PTK2: variants seen among roughly 807,000 people sequenced by gnomAD.
PTK2 encodes the protein protein tyrosine kinase 2, also known as focal adhesion kinase 1.
PTK2 carries 45 observed loss-of-function variants against 150.1 expected under a neutral mutation model. The ratio of observed to expected loss-of-function variants is 0.30; its 90% confidence interval spans 0.24 to 0.38. The LOEUF is 0.38. Ranked by LOEUF, PTK2 falls within the 10% of genes least tolerant of loss-of-function variation. The pLI is 1.00. For missense variants in PTK2, 919 were observed against 1,307.3 expected (o/e 0.70, Z 4.58); for synonymous variants, 432 against 449.2 (o/e 0.96, Z 0.48).
intron 11 of PTK2, 55 bp from the exon 12 acceptor site, chr8:140,800,631 G>A: frequency 7.3e-7 from 1 of 1,367,306 alleles, no homozygotes. Flanking sequence ...AGTAAGCAAA[G>A]GACAGCTGTG....
chr8:140,835,157 T>C (rs918308906), intron 7 of PTK2, among the ~76,000 whole-genome samples: 1 of 152,220 alleles, frequency 6.6e-6, no homozygotes, highest in Non-Finnish European at 1.5e-5. Context: ...CCTGCACGTG[T>C]ATTCATATCC....
At chr8:140,706,203 G>A (rs1424020563) in exon 24 of PTK2, 4 of 1,611,214 alleles carry the variant, frequency 2.5e-6, no homozygotes, top group Admixed American at 1.7e-5. Context: ...CCGGTCTGCT[G>A]GGCTGTAAAA....
intron 2 of PTK2, among the ~76,000 whole-genome samples, chr8:140,901,338 A>G (rs942387051): frequency 3.9e-5 from 6 of 152,214 alleles, no homozygotes; most frequent in Non-Finnish European, 8.8e-5. Flanking sequence ...ATACTGGGGA[A>G]ACACTTCTGG....
intron 27 of PTK2, among the ~76,000 whole-genome samples, chr8:140,676,375 C>CA (rs1208144059): frequency 2.0e-5 from 3 of 146,346 alleles, no homozygotes; most frequent in South Asian, 2.2e-4. Context: ...GACTCTGTCT[C>CA]AAAAAAATTA....
intron 1 of PTK2, among the ~76,000 whole-genome samples, chr8:140,982,795 T>C (rs1253335265): frequency 6.6e-6 from 1 of 152,288 alleles, no homozygotes; most frequent in Non-Finnish European, 1.5e-5. Flanking sequence ...TTCACAACTT[T>C]TAAGTATGAA....
At chr8:140,873,534 C>T (rs566164542) in intron 4 of PTK2, among the ~76,000 whole-genome samples, 5 of 152,154 alleles carry the variant, frequency 3.3e-5, no homozygotes, top group African/African-American at 1.2e-4. Context: ...GGCACGATCT[C>T]GGCTCACTGC....
chr8:140,689,865 G>C (rs1394245169), intron 26 of PTK2, among the ~76,000 whole-genome samples: 1 of 152,214 alleles, frequency 6.6e-6, no homozygotes, highest in East Asian at 1.9e-4. Context: ...TCTGCTTAGG[G>C]GTTCTGTTGA....
intron 22 of PTK2, among the ~76,000 whole-genome samples, chr8:140,726,360 T>C (rs2100045794): frequency 6.6e-6 from 1 of 152,102 alleles, no homozygotes; most frequent in Non-Finnish European, 1.5e-5. Flanking sequence ...GAAACAATGA[T>C]CTAAGTTTTT....
intron 1 of PTK2, among the ~76,000 whole-genome samples, chr8:140,963,071 G>A (rs1569505555): frequency 2.0e-5 from 3 of 152,012 alleles, no homozygotes; most frequent in African/African-American, 7.3e-5. Context: ...AGTTTCCTCA[G>A]CCCTGTAACA....
At chr8:140,778,407 C>T (rs745589499) in intron 14 of PTK2, among the ~76,000 whole-genome samples, 4 of 152,212 alleles carry the variant, frequency 2.6e-5, no homozygotes. Flanking sequence ...GCCGAGATCG[C>T]ACCACTGCAC....
At chr8:140,981,097 A>G (rs890562955) in intron 1 of PTK2, among the ~76,000 whole-genome samples, 3 of 143,054 alleles carry the variant, frequency 2.1e-5, no homozygotes, top group African/African-American at 5.1e-5. Flanking sequence ...CCTGCTCTGG[A>G]AAAAAAAAAA....
At chr8:140,934,008 C>T (rs117680752) in intron 1 of PTK2, among the ~76,000 whole-genome samples, 7,186 of 150,220 alleles carry the variant, frequency 0.048, 261 homozygotes, top group Non-Finnish European at 0.073. Context: ...AAAAAAAATA[C>T]CTTTAACAAA....
intron 27 of PTK2, among the ~76,000 whole-genome samples, chr8:140,681,604 C>CT (rs1564252655): frequency 6.6e-6 from 1 of 151,788 alleles, no homozygotes; most frequent in African/African-American, 2.4e-5. Flanking sequence ...AGTGAAACAC[C>CT]GTCTCTACTA....
chr8:140,700,529 G>A (rs62524073), intron 26 of PTK2, among the ~76,000 whole-genome samples: 9,062 of 151,656 alleles, frequency 0.06, 361 homozygotes, highest in Non-Finnish European at 0.088. Flanking sequence ...CGTCGCCCAG[G>A]CTGGAATGCA....
At chr8:140,972,082 T>A (rs1272038560) in intron 1 of PTK2, among the ~76,000 whole-genome samples, 2 of 152,186 alleles carry the variant, frequency 1.3e-5, no homozygotes, top group Non-Finnish European at 2.9e-5. Flanking sequence ...ATGTAAAATC[T>A]CCTTGCAGAT....
At chr8:140,682,150 G>T (rs768840158) in intron 27 of PTK2, among the ~76,000 whole-genome samples, 1 of 152,140 alleles carries the variant, frequency 6.6e-6, no homozygotes, top group African/African-American at 2.4e-5. Context: ...TAGCAAATGG[G>T]CCAGGTGGAT....
chr8:140,782,254 T>TTTGGG (rs567880304), intron 14 of PTK2, among the ~76,000 whole-genome samples: 1 of 138,088 alleles, frequency 7.2e-6, no homozygotes, highest in African/African-American at 2.8e-5. Flanking sequence ...TTTTTTTTTT[T>TTTGGG]GGGGGGGGGG....
chr8:140,786,766 G>T (rs1199937046), intron 14 of PTK2, among the ~76,000 whole-genome samples: 2 of 152,054 alleles, frequency 1.3e-5, no homozygotes, highest in East Asian at 3.9e-4. Context: ...ATATCCACTG[G>T]ACACCACTTA....
At chr8:140,933,653 A>G (rs907151370) in intron 1 of PTK2, among the ~76,000 whole-genome samples, 1 of 152,238 alleles carries the variant, frequency 6.6e-6, no homozygotes. Flanking sequence ...ACAAGAGACC[A>G]CATACAGCCT....
Sources: allele counts gnomAD v4.1 joint callset (sites outside exome capture counted in the v4.1 genomes callset), GRCh38; gene constraint gnomAD v4.1.1; transcripts MANE v1.5; gene names NCBI Gene and HGNC (gene_info 2026-07-23, HGNC 2026-07-21).